Variants in CSMD1 observed in about 807,000 individuals in gnomAD.
The protein encoded by CSMD1 is CUB and sushi domain-containing protein 1.
In CSMD1, 213 loss-of-function variants were observed where a neutral mutation model predicts 417.5. The ratio of observed to expected loss-of-function variants is 0.51; its 90% CI spans 0.46 to 0.57. CSMD1 has a LOEUF of 0.57. Ranked by LOEUF, CSMD1 falls within the 20% of genes least tolerant of loss-of-function variation. CSMD1 has a pLI of 0.00. For missense variants in CSMD1, 6,923 were observed against 4,529.7 expected (o/e 1.53, Z -15.17); for synonymous variants, 2,862 against 1,736.8 (o/e 1.65, Z -16.11).
At chr8:4,067,295 T>G (rs1799302616) in intron 3 of CSMD1, among the ~76,000 whole-genome samples, 3 of 152,210 alleles carry the variant, frequency 2.0e-5, no homozygotes, top group Non-Finnish European at 2.9e-5. Context: ...TTTTCAAATC[T>G]CCGCCATACT....
At chr8:3,861,442 T>A (rs1421339155) in intron 5 of CSMD1, among the ~76,000 whole-genome samples, 2 of 152,210 alleles carry the variant, frequency 1.3e-5, no homozygotes, top group Admixed American at 6.5e-5. Flanking sequence ...GGGGGTACTA[T>A]GAATGAACAA....
intron 3 of CSMD1, among the ~76,000 whole-genome samples, chr8:4,360,745 C>G (rs1394816004): frequency 1.3e-5 from 2 of 151,622 alleles, no homozygotes; most frequent in African/African-American, 4.8e-5. Context: ...CCGCCTACCT[C>G]GGCCTCCAAA....
At chr8:3,151,149 G>C (rs548363641) in intron 40 of CSMD1, 8 of 371,372 alleles carry the variant, frequency 2.2e-5, no homozygotes, top group African/African-American at 2.1e-5. Context: ...TTTGTACTTC[G>C]TATGCCTACT....
chr8:3,460,684 C>T (rs896811394), intron 12 of CSMD1, among the ~76,000 whole-genome samples: 1 of 152,144 alleles, frequency 6.6e-6, no homozygotes, highest in Admixed American at 6.5e-5. Flanking sequence ...AAAAAGAGAA[C>T]AGGATCATAA....
intron 3 of CSMD1, among the ~76,000 whole-genome samples, chr8:4,118,668 G>C (rs569011058): frequency 6.6e-6 from 1 of 152,190 alleles, no homozygotes; most frequent in African/African-American, 2.4e-5. Context: ...TTCAACCATT[G>C]TGGAAGACAG....
chr8:4,147,474 G>T (rs147251445), intron 3 of CSMD1, among the ~76,000 whole-genome samples: 1 of 152,030 alleles, frequency 6.6e-6, no homozygotes, highest in Non-Finnish European at 1.5e-5. Flanking sequence ...TACCCTACAT[G>T]ATTGCCTTTG....
intron 3 of CSMD1, among the ~76,000 whole-genome samples, chr8:4,062,571 A>C (rs80326748): frequency 2.5e-4 from 38 of 152,238 alleles, no homozygotes; most frequent in African/African-American, 9.2e-4. Flanking sequence ...AACATATCCT[A>C]TAAAAGTTTT....
intron 2 of CSMD1, among the ~76,000 whole-genome samples, chr8:4,475,367 T>A (rs1326416694): frequency 6.6e-6 from 1 of 152,202 alleles, no homozygotes; most frequent in East Asian, 1.9e-4. Flanking sequence ...AGAGTTAATG[T>A]ATGAACAATA....
chr8:4,375,875 C>A (rs1305867541), intron 3 of CSMD1, among the ~76,000 whole-genome samples: 3 of 152,088 alleles, frequency 2.0e-5, no homozygotes, highest in African/African-American at 7.2e-5. Flanking sequence ...TACACAACTC[C>A]CATCAAACAC....
At chr8:3,694,635 A>C (rs1563280791) in intron 7 of CSMD1, among the ~76,000 whole-genome samples, 1 of 151,882 alleles carries the variant, frequency 6.6e-6, no homozygotes, top group Non-Finnish European at 1.5e-5. Flanking sequence ...CATGAGAGGG[A>C]GGCTGGGTGG....
chr8:3,954,298 G>A (rs1225725316), intron 5 of CSMD1, among the ~76,000 whole-genome samples: 1 of 152,220 alleles, frequency 6.6e-6, no homozygotes, highest in Non-Finnish European at 1.5e-5. Context: ...GCGCTTGGGA[G>A]AGACCAGGGC....
chr8:3,474,371 G>A (rs538324118), intron 11 of CSMD1, among the ~76,000 whole-genome samples: 16 of 152,142 alleles, frequency 1.1e-4, no homozygotes, highest in Admixed American at 5.2e-4. Context: ...GACCTCTCTC[G>A]GGGGAAGAGG....
chr8:4,387,102 G>T (rs988394194), intron 3 of CSMD1, among the ~76,000 whole-genome samples: 1 of 152,118 alleles, frequency 6.6e-6, no homozygotes, highest in African/African-American at 2.4e-5. Context: ...AATAGAGTTA[G>T]GATAAATGGA....
chr8:3,260,227 T>C (rs1371574461), intron 26 of CSMD1, among the ~76,000 whole-genome samples: 2 of 152,126 alleles, frequency 1.3e-5, no homozygotes, highest in Non-Finnish European at 2.9e-5. Context: ...TTTATGCATA[T>C]AACTAGGTTA....
intron 4 of CSMD1, among the ~76,000 whole-genome samples, chr8:4,010,010 T>A (rs998009139): frequency 3.9e-5 from 6 of 152,210 alleles, no homozygotes; most frequent in African/African-American, 1.4e-4. Flanking sequence ...ATTCTTCCTA[T>A]GCTCCTGAAT....
At chr8:4,923,196 T>TC (rs1806615509) in intron 1 of CSMD1, among the ~76,000 whole-genome samples, 1 of 152,196 alleles carries the variant, frequency 6.6e-6, no homozygotes, top group Non-Finnish European at 1.5e-5. Context: ...TCATTTTCTT[T>TC]CAATAGTTAC....
At chr8:3,587,930 T>C (rs963977084) in intron 8 of CSMD1, among the ~76,000 whole-genome samples, 1 of 152,102 alleles carries the variant, frequency 6.6e-6, no homozygotes, top group East Asian at 1.9e-4. Flanking sequence ...TAATTTGAAA[T>C]GTGAAAAATA....
intron 2 of CSMD1, among the ~76,000 whole-genome samples, chr8:4,540,046 C>A (rs1242520462): frequency 6.6e-6 from 1 of 152,158 alleles, no homozygotes; most frequent in Non-Finnish European, 1.5e-5. Flanking sequence ...GCAAGCTGAA[C>A]CTCCCCCGGC....
chr8:4,009,380 G>C (rs896330759), intron 4 of CSMD1, among the ~76,000 whole-genome samples: 4 of 152,212 alleles, frequency 2.6e-5, no homozygotes, highest in Non-Finnish European at 5.9e-5. Flanking sequence ...ACATTACTTA[G>C]AAGCAAACTG....
Sources: gnomAD v4.1 joint callset for allele counts (sites outside exome capture counted in the v4.1 genomes callset) on GRCh38, gnomAD v4.1.1 for gene constraint, MANE v1.5 for transcripts, NCBI Gene and HGNC (gene_info 2026-07-23, HGNC 2026-07-21) for gene names.